The following DERPC variants were observed in gnomAD, a reference collection of about 807,000 sequenced individuals.
DERPC encodes decreased expression in renal and prostate cancer protein.
DERPC carries 1 observed loss-of-function variant against 7.2 expected under a neutral mutation model. That is an observed-to-expected ratio of 0.14 (90% CI 0.05 to 0.66). The LOEUF (loss-of-function observed/expected upper bound fraction) is 0.66, where lower values mean the gene tolerates loss of function less well. Among genes scored for constraint, DERPC ranks in the 30% least tolerant of loss-of-function variants. The pLI, the probability that DERPC is intolerant of heterozygous loss-of-function variation, is 0.84. For synonymous variants in DERPC, 185 were observed against 117.6 expected (o/e 1.57, Z -3.71); for missense variants, 502 against 299.4 (o/e 1.68, Z -4.99).
intron 1 of DERPC, among the ~76,000 whole-genome samples, chr16:69,130,668 A>G (rs1374744304): frequency 6.6e-6 from 1 of 152,252 alleles, no homozygotes; most frequent in Non-Finnish European, 1.5e-5. Flanking sequence ...TAAAGCTTTT[A>G]GCACATTGTC....
At chr16:69,127,890 G>A (rs1056135990) in intron 1 of DERPC, among the ~76,000 whole-genome samples, 2 of 151,574 alleles carry the variant, frequency 1.3e-5, no homozygotes, top group Admixed American at 6.6e-5. Flanking sequence ...GATTACAGGC[G>A]TGAACCACCG....
intron 2 of DERPC, 56 bp downstream of exon 2, chr16:69,121,380 A>C: frequency 6.8e-7 from 1 of 1,472,400 alleles, no homozygotes; most frequent in Non-Finnish European, 9.3e-7. Flanking sequence ...CACATGGCAC[A>C]CCTCTATAGC....
intron 1 of DERPC, among the ~76,000 whole-genome samples, chr16:69,128,960 A>G (rs2152272224): frequency 6.6e-6 from 1 of 152,266 alleles, no homozygotes. Context: ...GCTACTCAGG[A>G]GGCTGAGGCA....
chr16:69,118,436 C>G lies in DERPC; in HGVS notation c.*418G>C, dbSNP rs1961333224. 6.2e-7 allele frequency: 1 copy of G among 1,610,952 alleles called. No individual in the cohort carries two copies. Among genetic ancestry groups the G allele is most frequent in the Non-Finnish European group, 8.5e-7 (1 of 1,177,240 alleles). ...AGCTACGGAAGCATGGTCCGTTCACCAACGCCACGTTTCTAGAGAGCAGTG... is the reference window on the plus strand; with the variant it reads ...AGCTACGGAAGCATGGTCCGTTCACGAACGCCACGTTTCTAGAGAGCAGTG... On this transcript the variant is annotated 3_prime_UTR_variant, in exon 3 of 3. Transcript: ENST00000519520.
At chr16:69,123,171 C>T (rs1961809310) in intron 1 of DERPC, among the ~76,000 whole-genome samples, 4 of 152,154 alleles carry the variant, frequency 2.6e-5, no homozygotes, top group Admixed American at 2.6e-4. Context: ...ATCCTCCTAC[C>T]TCAGCTTCTC....
At chr16:69,121,859 T>C (rs567779088) in intron 1 of DERPC, among the ~76,000 whole-genome samples, 13 of 151,998 alleles carry the variant, frequency 8.6e-5, no homozygotes, top group Non-Finnish European at 1.6e-4. Context: ...TTAGTAGAGA[T>C]GGGGTTTCAC....
intron 2 of DERPC, 121 bp downstream of exon 2, chr16:69,121,315 G>T (rs1368833567): frequency 8.3e-7 from 1 of 1,207,686 alleles, no homozygotes; most frequent in Non-Finnish European, 1.2e-6. Flanking sequence ...TGGAACTAGA[G>T]ATCAGAATGC....
chr16:69,128,826 G>C (rs1962279696), intron 1 of DERPC, among the ~76,000 whole-genome samples: 1 of 152,124 alleles, frequency 6.6e-6, no homozygotes, highest in African/African-American at 2.4e-5. Flanking sequence ...AGCACTTTGG[G>C]AGCCCAAGGC....
chr16:69,126,655 A>G (rs1261854604), intron 1 of DERPC, among the ~76,000 whole-genome samples: 1 of 152,226 alleles, frequency 6.6e-6, no homozygotes, highest in Non-Finnish European at 1.5e-5. Context: ...AGTTTAGTTC[A>G]CAGGAACTTA....
intron 1 of DERPC, among the ~76,000 whole-genome samples, chr16:69,128,822 T>G (rs1962279514): frequency 6.6e-6 from 1 of 152,118 alleles, no homozygotes; most frequent in Non-Finnish European, 1.5e-5. Context: ...TCCCAGCACT[T>G]TGGGAGCCCA....
chr16:69,128,106 G>A (rs1427890891), intron 1 of DERPC, among the ~76,000 whole-genome samples: 2 of 151,410 alleles, frequency 1.3e-5, no homozygotes, highest in Admixed American at 1.3e-4. Flanking sequence ...GTAGAGATGG[G>A]GTTTCACCCT....
Position 69,124,934 on chromosome 16 carries a change from C to T in DERPC, c.-279-3441G>A, listed in dbSNP as rs145262768. 3.1e-3 allele frequency among the ~76,000 whole-genome samples: 469 copies of T among 150,052 alleles called. 1 individual carries two copies. The highest frequency in any genetic ancestry group is 9.8e-3 in the African/African-American group (400 of 40,804). ...CTAGACTTTTTTTGAGACAGAGTTT[C>T]GCTCCTGTTGCCCAGGCTGGAGTGC... On this transcript the variant is annotated intron_variant, in intron 1 of 2. Coordinates refer to ENST00000519520, the MANE Select transcript of DERPC (RefSeq NM_001002847.4).
In DERPC at chr16:69,119,923, G is replaced by T. The variant is rs1056360856; in HGVS notation, c.506C>A (p.Pro169His). 1 of 702,484 alleles carries T rather than the reference G, an allele frequency of 1.4e-6. No individual in the cohort carries two copies. The highest frequency in any genetic ancestry group is 1.7e-5 in the African/African-American group (1 of 57,262). The allele number at this position is 702,484 out of a possible 1,614,324, so 43.5% of individuals were successfully genotyped here. ...CATGGGACCACCACCTCTGGGGTCA[G>T]GACCTGCTCCCAGGAGACCACCTGC... is the stretch of plus-strand genomic sequence containing the variant. ...PRAGGLLGAG[P>H]DPRGGGPMGP... The change falls in exon 3 of 3, where the codon CCT becomes CAT. Residue 169 changes from proline to histidine, a missense_variant. By Grantham distance (77) the Pro-to-His change is moderately conservative. Coordinates refer to ENST00000519520, the MANE Select transcript of DERPC (RefSeq NM_001002847.4).
At chr16:69,121,721 G>A (rs1213629912) in intron 1 of DERPC, among the ~76,000 whole-genome samples, 2 of 149,066 alleles carry the variant, frequency 1.3e-5, no homozygotes, top group African/African-American at 5.0e-5. Flanking sequence ...AGGTTGGAGT[G>A]CAATGGCACG....
rs1327450021 is a variant in DERPC at position 69,121,311 on chromosome 16, T to C, written c.-222+125A>G. 1.6e-5 allele frequency: 19 copies of C among 1,211,528 alleles called. No individual in the cohort carries two copies. The Admixed American group carries it at 2.1e-4, about 14-fold the overall frequency. 75.0% of individuals were successfully genotyped at this position (1,211,528 alleles called of 1,614,324 possible). ...AATTGGGCAGTGCTAGGCATGGAAC[T>C]AGAGATCAGAATGCAAGGATTTGTA... On this transcript the variant is annotated intron_variant, in intron 2 of 2. Coordinates refer to ENST00000519520, the MANE Select transcript of DERPC (RefSeq NM_001002847.4).
At chr16:69,129,632 T>C (rs1962351310) in intron 1 of DERPC, among the ~76,000 whole-genome samples, 1 of 152,126 alleles carries the variant, frequency 6.6e-6, no homozygotes, top group African/African-American at 2.4e-5. Context: ...AGCTAAATGT[T>C]AACTGGTCAC....
At chr16:69,126,756 A>T (rs1962088461) in intron 1 of DERPC, among the ~76,000 whole-genome samples, 1 of 152,202 alleles carries the variant, frequency 6.6e-6, no homozygotes, top group Non-Finnish European at 1.5e-5. Context: ...CCTTTAGTGA[A>T]TTTTAAAATT....
At chr16:69,131,539 T>G (rs1279436579) in intron 1 of DERPC, 1 of 130,152 alleles carries the variant, frequency 7.7e-6, no homozygotes, top group African/African-American at 2.8e-5. Flanking sequence ...CCCTTTCTGC[T>G]AGAGCTACAA....
Position 69,118,180 on chromosome 16 carries a change from C to CTT in DERPC, c.*672_*673dup, listed in dbSNP as rs988548910. On this transcript the variant is annotated 3_prime_UTR_variant, in exon 3 of 3. Transcript: ENST00000519520. ...CCACATCAGTTTAAATTTTGAGGTT[C>CTT]TTTGATTGATTGGGAGTACCAGTGA... is the stretch of plus-strand genomic sequence containing the variant. 8 of 328,760 alleles carry CTT rather than the reference C, an allele frequency of 2.4e-5. No homozygotes were observed. Among genetic ancestry groups the CTT allele is most frequent in the Admixed American group, 1.4e-4 (3 of 21,532 alleles). 20.4% of individuals were successfully genotyped at this position (328,760 alleles called of 1,614,324 possible).
Sources: gnomAD v4.1 joint callset for allele counts (sites outside exome capture counted in the v4.1 genomes callset) on GRCh38, gnomAD v4.1.1 for gene constraint, MANE v1.5 for transcripts, NCBI Gene and HGNC (gene_info 2026-07-23, HGNC 2026-07-21) for gene names.